Variants in PDGFC observed in about 807,000 individuals in gnomAD.
The protein encoded by PDGFC is platelet-derived growth factor C.
Under a neutral mutation model 35.5 loss-of-function variants are expected in PDGFC, and 12 were observed. That is an observed-to-expected ratio of 0.34 (90% CI 0.22 to 0.55). PDGFC has a LOEUF of 0.55. PDGFC is among the 20% of genes least tolerant of loss of function. The probability of loss-of-function intolerance (pLI) is 0.91; values close to 1 mark genes in which losing one functional copy is unlikely to be tolerated. For missense variants in PDGFC, 322 were observed against 412.4 expected (o/e 0.78, Z 1.90); for synonymous variants, 159 against 148.8 (o/e 1.07, Z -0.50).
chr4:156,836,037 A>T (rs1212855262), intron 2 of PDGFC: 2 of 152,218 alleles, frequency 1.3e-5, no homozygotes, highest in Non-Finnish European at 2.9e-5. Context: ...AAATTAATGA[A>T]GGTATACAGT....
chr4:156,883,544 T>C (rs1287904878), intron 1 of PDGFC, among the ~76,000 whole-genome samples: 2 of 152,190 alleles, frequency 1.3e-5, no homozygotes, highest in Non-Finnish European at 2.9e-5. Flanking sequence ...TAAGTTAGTA[T>C]TGATTGATTG....
chr4:156,879,378 G>A (rs1018155659), intron 1 of PDGFC, among the ~76,000 whole-genome samples: 1 of 152,186 alleles, frequency 6.6e-6, no homozygotes, highest in Admixed American at 6.5e-5. Context: ...AGATGCAGTT[G>A]TGCCAAGTTG....
intron 2 of PDGFC, among the ~76,000 whole-genome samples, chr4:156,840,577 T>TGG (rs1729177361): frequency 1.3e-5 from 2 of 152,186 alleles, no homozygotes; most frequent in Non-Finnish European, 2.9e-5. Context: ...AAGTCCCCAC[T>TGG]GGGGCACTGC....
Position 156,762,894 on chromosome 4 carries a change from T to C in PDGFC, c.*196A>G. The stretch of plus-strand genomic sequence containing the variant: ...GACCTTTTCTCCTGTCCTTTAGGCC[T>C]CCTCTCAAAAGAGCTGTTGCACAAC... On this transcript the variant is annotated 3_prime_UTR_variant, in exon 6 of 6. Transcript: ENST00000502773. The C allele has an allele frequency of 2.0e-6, 1 of 501,854 alleles. No homozygotes were observed. The highest frequency in any genetic ancestry group is 3.6e-6 in the Non-Finnish European group (1 of 278,954). 31.1% of individuals were successfully genotyped at this position (501,854 alleles called of 1,614,324 possible).
intron 2 of PDGFC, among the ~76,000 whole-genome samples, chr4:156,823,692 G>C (rs1228996137): frequency 5.9e-5 from 9 of 152,084 alleles, no homozygotes; most frequent in Admixed American, 5.9e-4. Context: ...TCCTCAAAAA[G>C]AGAAAAATAG....
chr4:156,966,812 T>C (rs1343878383), intron 1 of PDGFC, among the ~76,000 whole-genome samples: 1 of 152,186 alleles, frequency 6.6e-6, no homozygotes, highest in African/African-American at 2.4e-5. Flanking sequence ...CCTACAAACC[T>C]CTGTACTTTC....
chr4:156,929,266 G>A (rs556719210), intron 1 of PDGFC, among the ~76,000 whole-genome samples: 1 of 152,156 alleles, frequency 6.6e-6, no homozygotes, highest in East Asian at 1.9e-4. Context: ...AAATACTCAA[G>A]TATCTACATA....
At chr4:156,928,299 C>T (rs1385611602) in intron 1 of PDGFC, among the ~76,000 whole-genome samples, 1 of 152,028 alleles carries the variant, frequency 6.6e-6, no homozygotes, top group African/African-American at 2.4e-5. Flanking sequence ...CTATGTTGCC[C>T]AGGATGGTCT....
At chr4:156,864,899 C>T (rs965970096) in intron 1 of PDGFC, among the ~76,000 whole-genome samples, 5 of 152,034 alleles carry the variant, frequency 3.3e-5, no homozygotes, top group South Asian at 2.1e-4. Context: ...ACCAAAGTTA[C>T]GTTTGATCCT....
At chr4:156,879,910 T>C (rs1730202444) in intron 1 of PDGFC, among the ~76,000 whole-genome samples, 1 of 152,190 alleles carries the variant, frequency 6.6e-6, no homozygotes, top group Admixed American at 6.5e-5. Flanking sequence ...CACAACATTC[T>C]CTTAAGCCAA....
chr4:156,910,333 A>G (rs1470974982), intron 1 of PDGFC, among the ~76,000 whole-genome samples: 1 of 152,146 alleles, frequency 6.6e-6, no homozygotes, highest in Non-Finnish European at 1.5e-5. Context: ...CAATGTCATT[A>G]CATTACTGTA....
intron 5 of PDGFC, among the ~76,000 whole-genome samples, 157 bp from the exon 6 acceptor site, chr4:156,763,363 CAAAAA>C (rs33986749): frequency 2.1e-5 from 2 of 97,152 alleles, no homozygotes; most frequent in Non-Finnish European, 2.3e-5. Flanking sequence ...ACTCTCCCAC[CAAAAA>C]AAAAAAAAAA....
chr4:156,942,277 T>C (rs1579115125), intron 1 of PDGFC, among the ~76,000 whole-genome samples: 1 of 152,060 alleles, frequency 6.6e-6, no homozygotes, highest in African/African-American at 2.4e-5. Flanking sequence ...GCAAACAGGA[T>C]TCAAAAAGCC....
At chr4:156,901,938 T>C (rs781383472) in intron 1 of PDGFC, among the ~76,000 whole-genome samples, 74 of 152,156 alleles carry the variant, frequency 4.9e-4, no homozygotes, top group Non-Finnish European at 7.4e-4. Context: ...GTATAACATG[T>C]CTAGCTTTGA....
At chr4:156,954,840 T>C (rs1330215556) in intron 1 of PDGFC, among the ~76,000 whole-genome samples, 2 of 151,998 alleles carry the variant, frequency 1.3e-5, no homozygotes, top group African/African-American at 4.8e-5. Flanking sequence ...CCATCAATGA[T>C]GATTTATGAC....
intron 1 of PDGFC, among the ~76,000 whole-genome samples, chr4:156,898,257 A>G (rs1028751254): frequency 2.6e-5 from 4 of 152,164 alleles, no homozygotes; most frequent in Non-Finnish European, 5.9e-5. Flanking sequence ...CAGCACCTCA[A>G]TCTTGGACTT....
chr4:156,895,330 T>A (rs916784066), intron 1 of PDGFC, among the ~76,000 whole-genome samples: 4 of 152,090 alleles, frequency 2.6e-5, no homozygotes, highest in African/African-American at 9.7e-5. Context: ...GGATAGCAAA[T>A]CAATAGAAAA....
chr4:156,774,930 T>C (rs1730788572), intron 3 of PDGFC, among the ~76,000 whole-genome samples: 1 of 152,164 alleles, frequency 6.6e-6, no homozygotes, highest in Non-Finnish European at 1.5e-5. Context: ...TAAGTACATA[T>C]ATATACAGTA....
intron 3 of PDGFC, among the ~76,000 whole-genome samples, chr4:156,777,235 G>A (rs1730854234): frequency 6.6e-6 from 1 of 152,134 alleles, no homozygotes; most frequent in Non-Finnish European, 1.5e-5. Flanking sequence ...AATAGAAGCA[G>A]TATGGTCCTA....
Sources: allele counts gnomAD v4.1 joint callset (sites outside exome capture counted in the v4.1 genomes callset), GRCh38; gene constraint gnomAD v4.1.1; transcripts MANE v1.5; gene names NCBI Gene and HGNC (gene_info 2026-07-23, HGNC 2026-07-21).